Variants in KLF13 observed in about 807,000 individuals in gnomAD.
The protein encoded by KLF13 is KLF transcription factor 13, also known as Krueppel-like factor 13.
A neutral mutation model predicts 16.7 loss-of-function variants in KLF13; 8 were observed. The ratio of observed to expected loss-of-function variants is 0.48; its 90% CI spans 0.28 to 0.87. The LOEUF (loss-of-function observed/expected upper bound fraction) is 0.87. Ranked by LOEUF, KLF13 falls within the 40% of genes least tolerant of loss-of-function variation. The pLI is 0.10. For synonymous variants in KLF13, 245 were observed against 208.4 expected (o/e 1.18, Z -1.51); for missense variants, 447 against 452.2 (o/e 0.99, Z 0.10).
chr15:31,346,750 C>T (rs929407958), intron 1 of KLF13, among the ~76,000 whole-genome samples: 1 of 152,232 alleles, frequency 6.6e-6, no homozygotes, highest in Non-Finnish European at 1.5e-5. Context: ...CAGTTTCTAG[C>T]GAGGGACATC....
At chr15:31,382,973 G>C (rs184637030) in intron 1 of KLF13, among the ~76,000 whole-genome samples, 8 of 152,316 alleles carry the variant, frequency 5.3e-5, no homozygotes, top group African/African-American at 1.9e-4. Context: ...CCATCATAAT[G>C]TCTTCCATTC....
intron 1 of KLF13, among the ~76,000 whole-genome samples, chr15:31,361,232 GGAACGT>G (rs1021859609): frequency 6.6e-6 from 1 of 152,180 alleles, no homozygotes; most frequent in African/African-American, 2.4e-5. Flanking sequence ...TGCTCCTCCT[GGAACGT>G]GAACGTGGGC....
chr15:31,420,464 A>C lies in KLF13; in HGVS notation n.118-14906A>C. 4 of 772,428 alleles carry C rather than the reference A, an allele frequency of 5.2e-6. No homozygotes were observed. The African/African-American group carries it at 5.2e-5, about 10-fold the overall frequency. 47.8% of individuals were successfully genotyped at this position (772,428 alleles called of 1,614,324 possible). A position where few individuals can be genotyped will look rare whatever the true frequency, so the allele number is the denominator to read the frequency against. On this transcript the variant is annotated intron_variant and non_coding_transcript_variant, in intron 1 of 1. Coordinates refer to the KLF13 transcript ENST00000558225. ...CCCCAACATAGACACCCAGGGTAAC[A>C]TATGCCTGGATATCTGGAAAGACAA...
At chr15:31,327,982 C>T (rs1190996278) in intron 1 of KLF13, among the ~76,000 whole-genome samples, 193 bp downstream of exon 1, 2 of 147,736 alleles carry the variant, frequency 1.4e-5, no homozygotes, top group Admixed American at 1.3e-4. Context: ...TCTTGGCTCT[C>T]GGAGCCGGCG....
At chr15:31,346,872 A>G (rs1299601012) in intron 1 of KLF13, among the ~76,000 whole-genome samples, 1 of 152,100 alleles carries the variant, frequency 6.6e-6, no homozygotes, top group Non-Finnish European at 1.5e-5. Context: ...TGGCGGCATC[A>G]GGGAGGGTCT....
At chr15:31,397,136 G>A (rs540995457) in intron 2 of KLF13, among the ~76,000 whole-genome samples, 1 of 151,676 alleles carries the variant, frequency 6.6e-6, no homozygotes, top group South Asian at 2.1e-4. Flanking sequence ...CATTTGCCAG[G>A]GGTCATTTCC....
chr15:31,327,874 G>A, intron 1 of KLF13, 85 bp downstream of exon 1: 1 of 1,196,236 alleles, frequency 8.4e-7, no homozygotes, highest in Admixed American at 4.6e-5. Flanking sequence ...CCCCGATGGG[G>A]CGCGAGGTGG....
At chr15:31,367,572 C>G (rs550657164) in intron 1 of KLF13, among the ~76,000 whole-genome samples, 79 of 152,296 alleles carry the variant, frequency 5.2e-4, no homozygotes, top group African/African-American at 1.8e-3. Flanking sequence ...ACATGCTTCC[C>G]CAGCCTGCAG....
At chr15:31,424,777 A>T (rs372175240) in intron 1 of KLF13, among the ~76,000 whole-genome samples, 1 of 152,106 alleles carries the variant, frequency 6.6e-6, no homozygotes, top group Non-Finnish European at 1.5e-5. Context: ...AGCTAGAGGA[A>T]TTAGACAAGA....
intron 1 of KLF13, chr15:31,420,688 T>C (rs2040311568): frequency 3.0e-6 from 1 of 329,690 alleles, no homozygotes; most frequent in Non-Finnish European, 5.8e-6. Context: ...GTCCTTTTTT[T>C]TTCTTTCTTT....
In KLF13 at chr15:31,375,602, A is replaced by C. The variant is rs1172595854; in HGVS notation, c.*3303A>C. On this transcript the variant is annotated 3_prime_UTR_variant, in exon 2 of 2. Transcript: ENST00000307145. ...AAGGCCTAAAATTGATCTGGGGCTC[A>C]GCCATCAAGGGGCTGGTGTTGCTCC... The C allele has an allele frequency of 6.6e-6, 1 of 152,214 alleles. No individual in the cohort carries two copies. The highest frequency in any genetic ancestry group is 1.5e-5 in the Non-Finnish European group (1 of 68,046). 9.4% of individuals were successfully genotyped at this position (152,214 alleles called of 1,614,324 possible).
At chr15:31,344,515 G>A (rs1595460013) in intron 1 of KLF13, among the ~76,000 whole-genome samples, 1 of 152,222 alleles carries the variant, frequency 6.6e-6, no homozygotes, top group African/African-American at 2.4e-5. Context: ...TCACCCTACT[G>A]TCATGGCTGG....
chr15:31,418,296 A>G (rs1043311030), intron 1 of KLF13, among the ~76,000 whole-genome samples: 2 of 152,342 alleles, frequency 1.3e-5, no homozygotes, highest in African/African-American at 4.8e-5. Context: ...TGAAGAAATT[A>G]GGAAAACAAA....
chr15:31,334,788 A>C (rs1465524559), intron 1 of KLF13, among the ~76,000 whole-genome samples: 1 of 152,156 alleles, frequency 6.6e-6, no homozygotes, highest in Non-Finnish European at 1.5e-5. Context: ...CTTCCTGTCG[A>C]GATGGGAATA....
chr15:31,419,557 C>T (rs1454014820), intron 1 of KLF13, among the ~76,000 whole-genome samples: 2 of 152,070 alleles, frequency 1.3e-5, no homozygotes, highest in Non-Finnish European at 1.5e-5. Flanking sequence ...CAATAGACAA[C>T]TTGATCAAGC....
intron 1 of KLF13, among the ~76,000 whole-genome samples, chr15:31,334,754 G>C (rs541299897): frequency 6.6e-6 from 1 of 152,242 alleles, no homozygotes; most frequent in East Asian, 1.9e-4. Flanking sequence ...AGCCCCAAAT[G>C]GGATTATTTT....
intron 1 of KLF13, among the ~76,000 whole-genome samples, chr15:31,416,841 C>A (rs893976320): frequency 6.6e-6 from 1 of 152,144 alleles, no homozygotes; most frequent in Non-Finnish European, 1.5e-5. Context: ...TTTGCTTTGT[C>A]ATGAACTGTT....
chr15:31,430,589 C>G (rs903833503), intron 1 of KLF13, among the ~76,000 whole-genome samples: 1 of 152,196 alleles, frequency 6.6e-6, no homozygotes, highest in African/African-American at 2.4e-5. Flanking sequence ...TTCATTCACT[C>G]TGCCCTCGTG....
intron 2 of KLF13, among the ~76,000 whole-genome samples, chr15:31,394,975 CTTTGT>C (rs758487907): frequency 3.3e-5 from 5 of 151,970 alleles, no homozygotes; most frequent in Admixed American, 6.6e-5. Context: ...ACTCCACTCC[CTTTGT>C]TTTGTTTTGT....
Sources: gnomAD v4.1 joint callset for allele counts (sites outside exome capture counted in the v4.1 genomes callset) on GRCh38, gnomAD v4.1.1 for gene constraint, MANE v1.5 for transcripts, NCBI Gene and HGNC (gene_info 2026-07-23, HGNC 2026-07-21) for gene names.